Variants in BAG4 observed in about 807,000 individuals in gnomAD.
BAG4 encodes the protein BAG family molecular chaperone regulator 4.
In BAG4, 28 loss-of-function variants were observed where a neutral mutation model predicts 52.1. The observed-to-expected ratio is 0.54, with a 90% CI of 0.40 to 0.74. BAG4 has a LOEUF of 0.74. BAG4 is among the 30% of genes least tolerant of loss of function. The probability of loss-of-function intolerance (pLI) is 0.00; values close to 1 mark genes in which losing one functional copy is unlikely to be tolerated. For missense variants in BAG4, 525 were observed against 572.0 expected (o/e 0.92, Z 0.84); for synonymous variants, 208 against 217.0 (o/e 0.96, Z 0.37).
intron 2 of BAG4, among the ~76,000 whole-genome samples, chr8:38,201,275 G>T (rs972881181): frequency 6.6e-6 from 1 of 152,216 alleles, no homozygotes; most frequent in African/African-American, 2.4e-5. Flanking sequence ...ATTTTCTGGC[G>T]AAACATCACA....
At chr8:38,194,854 T>G (rs1404079612) in intron 2 of BAG4, among the ~76,000 whole-genome samples, 28 of 148,968 alleles carry the variant, frequency 1.9e-4, no homozygotes, top group East Asian at 1.2e-3. Flanking sequence ...TTTGTTTTTT[T>G]TTTTTTTTGT....
chr8:38,197,881 G>T (rs182104742), intron 2 of BAG4, among the ~76,000 whole-genome samples: 31 of 151,974 alleles, frequency 2.0e-4, no homozygotes, highest in Admixed American at 3.3e-4. Context: ...TGTGTTTTTA[G>T]TAGAGGCAGG....
intron 2 of BAG4, chr8:38,201,848 ATATAT>A (rs1803668118): frequency 1.9e-4 from 1 of 5,308 alleles, no homozygotes; most frequent in Non-Finnish European, 3.7e-4. Flanking sequence ...ATATATATAT[ATATAT>A]ATATATATAT....
At chr8:38,200,199 G>A (rs59853655) in intron 2 of BAG4, among the ~76,000 whole-genome samples, 22 of 151,948 alleles carry the variant, frequency 1.4e-4, no homozygotes, top group African/African-American at 5.3e-4. Context: ...TAGAGACAGG[G>A]TTTTACCATG....
At chr8:38,194,103 C>A (rs1057308000) in intron 2 of BAG4, among the ~76,000 whole-genome samples, 3 of 152,052 alleles carry the variant, frequency 2.0e-5, no homozygotes, top group African/African-American at 7.2e-5. Context: ...AACTCCTGAC[C>A]TCAGGTGATC....
rs1020165268 is a variant in BAG4, at chr8:38,183,460, C to T, written c.270+6321C>T. Among the ~76,000 whole-genome samples the T allele has an allele frequency of 5.3e-5, 8 of 152,264 alleles. No homozygotes were observed. The South Asian group carries it at 1.0e-3, about 20-fold the overall frequency. Reference sequence around the variant, plus strand: ...TCTTCTGAGTAAAACAGGCTCTTCACTGTTTTCAAGGTTATTCCAGTTTCC... The same window carrying T: ...TCTTCTGAGTAAAACAGGCTCTTCATTGTTTTCAAGGTTATTCCAGTTTCC... On this transcript the variant is annotated intron_variant, in intron 1 of 4. Coordinates refer to ENST00000287322, the MANE Select transcript of BAG4 (RefSeq NM_004874.4).
In BAG4 at chr8:38,199,976, T is replaced by C. The variant is rs554057633; in HGVS notation, c.378+7181T>C. 2.0e-5 allele frequency among the ~76,000 whole-genome samples: 3 copies of C among 151,944 alleles called. No individual in the cohort carries two copies. In the East Asian group the frequency reaches 5.8e-4, roughly 30 times the overall value. ...GTCTCAGTATCATCTGTTGAAAGACTATGTTTTTTCCACTGAATTATCTTG... is the reference window on the plus strand; with the variant it reads ...GTCTCAGTATCATCTGTTGAAAGACCATGTTTTTTCCACTGAATTATCTTG... On this transcript the variant is annotated intron_variant, in intron 2 of 4. Transcript: ENST00000287322.
chr8:38,207,442 G>T (rs1803789160), intron 2 of BAG4, 70 bp from the exon 3 acceptor site: 1 of 1,507,878 alleles, frequency 6.6e-7, no homozygotes, highest in Non-Finnish European at 9.0e-7. Context: ...TTCAAGTTTA[G>T]GCATTAAGTC....
At chr8:38,198,072 A>G (rs1803592830) in intron 2 of BAG4, among the ~76,000 whole-genome samples, 1 of 151,990 alleles carries the variant, frequency 6.6e-6, no homozygotes, top group African/African-American at 2.4e-5. Flanking sequence ...ATACAAACAT[A>G]CTGTACAGCT....
chr8:38,186,950 G>A (rs1272251888), intron 1 of BAG4, among the ~76,000 whole-genome samples: 1 of 152,158 alleles, frequency 6.6e-6, no homozygotes, highest in Non-Finnish European at 1.5e-5. Context: ...AAACAAATGA[G>A]CAAATGACAA....
At position 38,207,797 on chromosome 8, in the gene BAG4, A is replaced by G. The variant is rs754705952; in HGVS notation, c.633+31A>G. 1.9e-6 allele frequency: 3 copies of G among 1,611,220 alleles called. No individual in the cohort carries two copies. The East Asian group carries it at 6.7e-5, about 36-fold the overall frequency. The stretch of plus-strand genomic sequence containing the variant: ...TTGTTTTCTATTGGGAAAAAAATGA[A>G]TTCAAAGTCTCTGCCTCTTGTAAAC... On this transcript the variant is annotated intron_variant, in intron 3 of 4. Coordinates refer to ENST00000287322, the MANE Select transcript of BAG4 (RefSeq NM_004874.4).
At chr8:38,197,769 G>A (rs1358913815) in intron 2 of BAG4, among the ~76,000 whole-genome samples, 6 of 151,968 alleles carry the variant, frequency 3.9e-5, no homozygotes, top group Non-Finnish European at 5.9e-5. Flanking sequence ...GCGTGATCTC[G>A]GCTCTCTGCA....
chr8:38,179,359 G>A (rs1012982955), intron 1 of BAG4, among the ~76,000 whole-genome samples: 1 of 151,776 alleles, frequency 6.6e-6, no homozygotes. Context: ...GTTTTGTCGT[G>A]TGGGCCAGGT....
intron 1 of BAG4, among the ~76,000 whole-genome samples, chr8:38,182,861 T>C (rs997738627): frequency 6.6e-6 from 1 of 152,114 alleles, no homozygotes; most frequent in Non-Finnish European, 1.5e-5. Flanking sequence ...AAAATTATAC[T>C]TTTTAGTGCT....
intron 2 of BAG4, among the ~76,000 whole-genome samples, chr8:38,197,761 G>A (rs547094058): frequency 7.9e-5 from 12 of 152,112 alleles, no homozygotes; most frequent in Non-Finnish European, 1.8e-4. Flanking sequence ...GTGCAGTGGC[G>A]TGATCTCGGC....
intron 3 of BAG4, among the ~76,000 whole-genome samples, chr8:38,207,973 A>G (rs1803800794): frequency 6.6e-6 from 1 of 150,684 alleles, no homozygotes; most frequent in East Asian, 1.9e-4. Context: ...TTATACTGAA[A>G]GTAATCTTTA....
intron 2 of BAG4, among the ~76,000 whole-genome samples, chr8:38,199,290 C>A (rs192495318): frequency 6.6e-6 from 1 of 152,312 alleles, no homozygotes; most frequent in East Asian, 1.9e-4. Context: ...TGTATGCAGT[C>A]CACTGCTGAC....
At chr8:38,184,961 T>C (rs1375177377) in intron 1 of BAG4, among the ~76,000 whole-genome samples, 1 of 152,008 alleles carries the variant, frequency 6.6e-6, no homozygotes, top group Non-Finnish European at 1.5e-5. Context: ...TTGTGGCGCA[T>C]GCCTGTAATC....
intron 2 of BAG4, 151 bp downstream of exon 2, chr8:38,192,946 A>G (rs1228353997): frequency 5.5e-6 from 3 of 549,722 alleles, no homozygotes; most frequent in African/African-American, 3.8e-5. Context: ...TTTTTAGCTC[A>G]GAGATAAGGA....
Sources: gnomAD v4.1 joint callset for allele counts (sites outside exome capture counted in the v4.1 genomes callset) on GRCh38, gnomAD v4.1.1 for gene constraint, MANE v1.5 for transcripts, NCBI Gene and HGNC (gene_info 2026-07-23, HGNC 2026-07-21) for gene names.